TMEM222: variants seen among roughly 807,000 people sequenced by gnomAD.
TMEM222 encodes the protein chromosome 1 open reading frame 160.
Under a neutral mutation model 25.1 loss-of-function variants are expected in TMEM222, and 18 were observed. The observed-to-expected ratio is 0.72, with a 90% CI of 0.50 to 1.06. The LOEUF (loss-of-function observed/expected upper bound fraction) is 1.06, where lower values mean the gene tolerates loss of function less well. TMEM222 is among the 50% of genes least tolerant of loss of function. The pLI is 0.00. For missense variants in TMEM222, 296 were observed against 293.7 expected, an observed-to-expected ratio of 1.01 and a Z score of -0.06; for synonymous variants, 131 against 117.9, an observed-to-expected ratio of 1.11 and a Z score of -0.72.
chr1:27,325,670 G>A (rs1002617570), intron 1 of TMEM222: 10 of 832,006 alleles, frequency 1.2e-5, no homozygotes, highest in African/African-American at 1.0e-4. Flanking sequence ...TGCCCCCAGA[G>A]TGCAAGTACT....
At chr1:27,335,316 T>C in intron 5 of TMEM222, 63 bp from the exon 6 acceptor site, 1 of 1,535,454 alleles carries the variant, frequency 6.5e-7, no homozygotes, top group African/African-American at 1.4e-5. Context: ...TGCTCAGGGC[T>C]GCGGGCCGCA....
At chr1:27,324,581 T>C (rs1038955620) in intron 1 of TMEM222, among the ~76,000 whole-genome samples, 4 of 152,214 alleles carry the variant, frequency 2.6e-5, no homozygotes, top group Admixed American at 6.5e-5. Flanking sequence ...AATAAGACAC[T>C]GTGTTCCTGT....
chr1:27,325,588 CG>C, intron 1 of TMEM222: 1 of 996,906 alleles, frequency 1.0e-6, no homozygotes, highest in South Asian at 1.3e-5. Flanking sequence ...ACCATGTACC[CG>C]GGCATCACCG....
At chr1:27,325,509 T>G in intron 1 of TMEM222, 1 of 1,465,522 alleles carries the variant, frequency 6.8e-7, no homozygotes, top group South Asian at 1.1e-5. Flanking sequence ...CACGTTCAAC[T>G]CCATCATGAA....
At chr1:27,323,242 A>G (rs1322800358) in intron 1 of TMEM222, among the ~76,000 whole-genome samples, 3 of 152,238 alleles carry the variant, frequency 2.0e-5, no homozygotes, top group African/African-American at 4.8e-5. Context: ...AAGCAAAGGC[A>G]TGAAGAGCTC....
chr1:27,334,590 C>A (rs919816701), intron 5 of TMEM222: 14 of 1,445,622 alleles, frequency 9.7e-6, no homozygotes, highest in Middle Eastern at 1.8e-4. Flanking sequence ...GATTCCGGCT[C>A]CTCAGGGAGG....
intron 5 of TMEM222, chr1:27,334,878 G>A (rs1450400275): frequency 9.9e-7 from 1 of 1,007,326 alleles, no homozygotes; most frequent in Non-Finnish European, 1.2e-6. Flanking sequence ...AGTCCCCTGA[G>A]AATAACTGGT....
In TMEM222 at chr1:27,334,002, A is replaced by T; in HGVS notation, c.356A>T (p.Asn119Ile). 6.2e-7 allele frequency: 1 copy of T among 1,614,096 alleles called. No homozygotes were observed. Among genetic ancestry groups the T allele is most frequent in the Non-Finnish European group, 8.5e-7 (1 of 1,180,010 alleles). ...GCTCAGGTCTATGCTAGCGGGCCCA[A>T]CGCATGGGACACGGCTGTGCACGAC... Reference protein sequence around the residue: ...DPAQVYASGPNAWDTAVHDAS... With the variant: ...DPAQVYASGPIAWDTAVHDAS... Residue 119 changes from asparagine to isoleucine, a missense_variant, in exon 4 of 6, where the codon AAC (asparagine) becomes ATC (isoleucine). Transcript: ENST00000374076.
Position 27,322,284 on chromosome 1 carries a change from G to A in TMEM222, c.87G>A (p.Ala29=), listed in dbSNP as rs1384152843. The A allele has an allele frequency of 1.9e-6, 3 of 1,551,880 alleles. No homozygotes were observed. Among genetic ancestry groups the A allele is most frequent in the Non-Finnish European group, 2.6e-6 (3 of 1,146,542 alleles). The change falls in exon 1 of 6, where the codon GCG becomes GCA. Residue 29 remains alanine, a synonymous_variant. Transcript: ENST00000374076. ...TGGCGGAAGTGGAGGCGCCGACGGCGGCCGAGACGGACATGAAGCAATATC... is the reference window on the plus strand; with the variant it reads ...TGGCGGAAGTGGAGGCGCCGACGGCAGCCGAGACGGACATGAAGCAATATC... The part of the protein sequence containing the change: ...PRMAEVEAPT[A]AETDMKQYQG...
intron 1 of TMEM222, chr1:27,325,349 G>C (rs1263677705): frequency 2.3e-5 from 19 of 810,338 alleles, no homozygotes; most frequent in Non-Finnish European, 3.7e-5. Context: ...TCGAGCAGGA[G>C]ATGGCCACTA....
chr1:27,332,105 A>C lies in TMEM222; in HGVS notation c.311+4A>C. 1.2e-6 allele frequency: 2 copies of C among 1,614,252 alleles called. No homozygotes were observed. The highest frequency in any genetic ancestry group is 8.5e-7 in the Non-Finnish European group (1 of 1,180,038). On this transcript the variant is annotated splice_donor_region_variant and intron_variant, in intron 3 of 5. Coordinates refer to ENST00000374076, the MANE Select transcript of TMEM222 (RefSeq NM_032125.3). ...TGGCCTTTGGAAAGCCTGCCAAGTA[A>C]GTGATGAACACCCATGTGACTGGCT...
At chr1:27,330,208 C>T (rs2014446895) in intron 1 of TMEM222, among the ~76,000 whole-genome samples, 1 of 151,484 alleles carries the variant, frequency 6.6e-6, no homozygotes, top group African/African-American at 2.4e-5. Context: ...ACCATCCTGG[C>T]CAACATGGTG....
At chr1:27,327,148 T>G (rs967303117) in intron 1 of TMEM222, among the ~76,000 whole-genome samples, 5 of 152,166 alleles carry the variant, frequency 3.3e-5, no homozygotes, top group African/African-American at 1.2e-4. Context: ...ATAGTGCTTA[T>G]GTATTGAACA....
Position 27,322,211 on chromosome 1 carries a change from A to T in TMEM222, c.14A>T (p.Glu5Val), listed in dbSNP as rs758117254. MAEAEGSSLLLLPPP... is the reference protein window; with the variant it reads MAEAVGSSLLLLPPP... ...GGCGCGCGCCGCATGGCGGAAGCGGAAGGGAGTTCTCTGCTCTTGTTGCCG... is the reference window on the plus strand; with the variant it reads ...GGCGCGCGCCGCATGGCGGAAGCGGTAGGGAGTTCTCTGCTCTTGTTGCCG... Residue 5 changes from glutamate to valine, a missense_variant, in exon 1 of 6, where the codon GAA (glutamate) becomes GTA (valine). Physicochemically the swap from Glu to Val is moderately radical, Grantham distance 121 (BLOSUM62 -2). Transcript: ENST00000374076. 39 of 1,410,862 alleles carry T rather than the reference A, an allele frequency of 2.8e-5. No homozygotes were observed. Among genetic ancestry groups the T allele is most frequent in the Non-Finnish European group, 3.6e-5 (39 of 1,072,628 alleles). 87.4% of individuals were successfully genotyped at this position (1,410,862 alleles called of 1,614,324 possible).
At chr1:27,330,897 C>T (rs1406356849) in intron 2 of TMEM222, 93 bp downstream of exon 2, 2 of 1,591,906 alleles carry the variant, frequency 1.3e-6, no homozygotes, top group Non-Finnish European at 8.6e-7. Flanking sequence ...TCCCCAGACC[C>T]AGGAGAACGT....
intron 1 of TMEM222, among the ~76,000 whole-genome samples, chr1:27,322,600 G>A (rs1334710451): frequency 6.6e-6 from 1 of 152,266 alleles, no homozygotes. Context: ...TACACCTGGT[G>A]TAGCCAGGGA....
chr1:27,335,859 G>C lies in TMEM222; in HGVS notation c.*393G>C, dbSNP rs931474705. 4.0e-6 allele frequency: 1 copy of C among 249,922 alleles called. No homozygotes were observed. The highest frequency in any genetic ancestry group is 2.2e-5 in the African/African-American group (1 of 45,426). 15.5% of individuals were successfully genotyped at this position (249,922 alleles called of 1,614,324 possible). On this transcript the variant is annotated 3_prime_UTR_variant, in exon 6 of 6. Coordinates refer to ENST00000374076, the MANE Select transcript of TMEM222 (RefSeq NM_032125.3). ...CAAGGTGGCCCTGGGACCAGAGCTG[G>C]TCCCAGCATGGGGTGCACCGGGTAC...
In TMEM222 at chr1:27,325,870, A is replaced by G. The variant is rs189564914; in HGVS notation, c.194+3479A>G. 1,409 of 760,958 alleles carry G rather than the reference A, an allele frequency of 1.9e-3. 16 individuals are homozygous for G. The highest frequency in any genetic ancestry group is 7.2e-4 in the Non-Finnish European group (293 of 409,356). The allele number at this position is 760,958 out of a possible 1,614,324, so 47.1% of individuals were successfully genotyped here. A position where few individuals can be genotyped will look rare whatever the true frequency, so the allele number is the denominator to read the frequency against. ...AGTATAAATTGGCCCTGGCAAATGC[A>G]TATACCTCATGCTAGCCTCACGAAA... is the stretch of plus-strand genomic sequence containing the variant. On this transcript the variant is annotated intron_variant, in intron 1 of 5. Coordinates refer to ENST00000374076, the MANE Select transcript of TMEM222 (RefSeq NM_032125.3).
chr1:27,330,615 C>G, intron 1 of TMEM222, 105 bp from the exon 2 acceptor site: 1 of 959,960 alleles, frequency 1.0e-6, no homozygotes, highest in Non-Finnish European at 1.7e-6. Flanking sequence ...GTCAATGAAA[C>G]GTAATATTCA....
Sources: allele counts gnomAD v4.1 joint callset (sites outside exome capture counted in the v4.1 genomes callset), GRCh38; gene constraint gnomAD v4.1.1; transcripts MANE v1.5; gene names NCBI Gene and HGNC (gene_info 2026-07-23, HGNC 2026-07-21).